Variants in ADAMTS19 observed in about 807,000 individuals in gnomAD.
ADAMTS19 encodes A disintegrin and metalloproteinase with thrombospondin motifs 19.
ADAMTS19 carries 93 observed loss-of-function variants against 153.3 expected under a neutral mutation model. That is an observed-to-expected ratio of 0.61 (90% CI 0.51 to 0.72). ADAMTS19 has a LOEUF of 0.72. Among genes scored for constraint, ADAMTS19 ranks in the 30% least tolerant of loss-of-function variants. The pLI is 0.00. For missense variants in ADAMTS19, 1,482 were observed against 1,552.1 expected (o/e 0.95, Z 0.76); for synonymous variants, 600 against 556.6 (o/e 1.08, Z -1.10).
intron 2 of ADAMTS19, among the ~76,000 whole-genome samples, chr5:129,467,505 C>A (rs1749905794): frequency 6.6e-6 from 1 of 152,146 alleles, no homozygotes; most frequent in Non-Finnish European, 1.5e-5. Context: ...TCTAGATATA[C>A]ATTCACAGAA....
chr5:129,555,752 A>G (rs915058023), intron 7 of ADAMTS19, among the ~76,000 whole-genome samples: 1 of 152,222 alleles, frequency 6.6e-6, no homozygotes, highest in African/African-American at 2.4e-5. Context: ...ACTCTACCTC[A>G]GATCTTCTGA....
intron 2 of ADAMTS19, among the ~76,000 whole-genome samples, chr5:129,484,036 C>T (rs116503456): frequency 0.011 from 1,606 of 152,176 alleles, 24 homozygotes; most frequent in African/African-American, 0.037. Context: ...TATCTTTATC[C>T]ATAGTGAATA....
Position 129,620,587 on chromosome 5 carries a change from A to C in ADAMTS19, c.1479-31A>C, listed in dbSNP as rs1049006381. 5 of 1,487,272 alleles carry C rather than the reference A, an allele frequency of 3.4e-6. No individual in the cohort carries two copies. In the African/African-American group the frequency reaches 5.7e-5, roughly 17 times the overall value. The allele number at this position is 1,487,272 out of a possible 1,614,324, so 92.1% of individuals were successfully genotyped here. A position where few individuals can be genotyped will look rare whatever the true frequency, so the allele number is the denominator to read the frequency against. ...TAACAAGTAACATTTACTTAGTGTA[A>C]ATTTTAAAATTTTATTATATTCCAA... On this transcript the variant is annotated intron_variant, in intron 8 of 22. Transcript: ENST00000274487.
chr5:129,475,033 G>C (rs1047619737), intron 2 of ADAMTS19, among the ~76,000 whole-genome samples: 12 of 150,544 alleles, frequency 8.0e-5, no homozygotes, highest in Admixed American at 6.6e-4. Context: ...CCAGTCTCTC[G>C]CTATCTATTC....
In ADAMTS19 at chr5:129,735,124, A is replaced by C; in HGVS notation, c.3490+15A>C. 6.5e-7 allele frequency: 1 copy of C among 1,535,674 alleles called. No homozygotes were observed. Among genetic ancestry groups the C allele is most frequent in the Non-Finnish European group, 8.7e-7 (1 of 1,145,392 alleles). On this transcript the variant is annotated intron_variant, in intron 22 of 22. Coordinates refer to ENST00000274487, the MANE Select transcript of ADAMTS19 (RefSeq NM_133638.6). ...ACCCAGACTGGGTAAGCAGACAAAA[A>C]AAAAAGATGCTTTTGAAAAACATAG...
intron 9 of ADAMTS19, among the ~76,000 whole-genome samples, 165 bp downstream of exon 9, chr5:129,620,923 C>G (rs909159661): frequency 2.6e-5 from 4 of 152,082 alleles, no homozygotes; most frequent in African/African-American, 9.7e-5. Flanking sequence ...TAGTTTGGGA[C>G]ATGTTATTTA....
chr5:129,622,400 G>A (rs779395795), intron 10 of ADAMTS19, 52 bp downstream of exon 10: 4 of 1,594,192 alleles, frequency 2.5e-6, no homozygotes, highest in Non-Finnish European at 3.4e-6. Context: ...TAGAAGTATT[G>A]ATTGGTAGGA....
At chr5:129,561,416 C>T (rs1753509885) in intron 7 of ADAMTS19, among the ~76,000 whole-genome samples, 1 of 152,000 alleles carries the variant, frequency 6.6e-6, no homozygotes, top group Non-Finnish European at 1.5e-5. Context: ...GTAGTCCCAG[C>T]TACTCGGGAG....
chr5:129,734,863 C>A (rs913054586), intron 21 of ADAMTS19, 69 bp from the exon 22 acceptor site: 2 of 1,337,258 alleles, frequency 1.5e-6, no homozygotes, highest in Non-Finnish European at 2.0e-6. Context: ...TGTTCCCACA[C>A]CCTAGAAAAT....
intron 4 of ADAMTS19, among the ~76,000 whole-genome samples, chr5:129,526,716 G>T (rs1358330466): frequency 3.3e-5 from 5 of 150,562 alleles, no homozygotes; most frequent in Non-Finnish European, 5.9e-5. Flanking sequence ...TCTTTTTTTG[G>T]TACTGTTCTT....
chr5:129,708,341 C>G, intron 21 of ADAMTS19, among the ~76,000 whole-genome samples: 1 of 152,054 alleles, frequency 6.6e-6, no homozygotes. Context: ...CTGACTATAT[C>G]TCTCTCTGCT....
At chr5:129,689,753 T>G (rs1253008776) in intron 18 of ADAMTS19, among the ~76,000 whole-genome samples, 4 of 152,168 alleles carry the variant, frequency 2.6e-5, no homozygotes, top group African/African-American at 9.7e-5. Flanking sequence ...GTACTATACA[T>G]GTACCAAAAT....
At chr5:129,699,779 T>C (rs560101161) in intron 19 of ADAMTS19, among the ~76,000 whole-genome samples, 196 of 152,148 alleles carry the variant, frequency 1.3e-3, no homozygotes, top group Non-Finnish European at 2.3e-3. Flanking sequence ...GTAAGCAAGA[T>C]GAGCATATGG....
intron 6 of ADAMTS19, among the ~76,000 whole-genome samples, chr5:129,551,554 A>T (rs529956572): frequency 9.3e-5 from 13 of 140,516 alleles, no homozygotes; most frequent in Middle Eastern, 3.8e-3. Flanking sequence ...TTGTCCCAAT[A>T]CCAGATTTTT....
At chr5:129,519,251 G>A (rs929155251) in intron 3 of ADAMTS19, among the ~76,000 whole-genome samples, 2 of 152,048 alleles carry the variant, frequency 1.3e-5, no homozygotes, top group Non-Finnish European at 2.9e-5. Flanking sequence ...TGGCCCAGGG[G>A]ATGTCTGGAA....
At chr5:129,735,880 T>C (rs1307166334) in intron 22 of ADAMTS19, among the ~76,000 whole-genome samples, 1 of 152,056 alleles carries the variant, frequency 6.6e-6, no homozygotes, top group Non-Finnish European at 1.5e-5. Context: ...AATTTATATT[T>C]AATACCTTTG....
chr5:129,508,588 A>G (rs1417956820), intron 2 of ADAMTS19, among the ~76,000 whole-genome samples: 2 of 152,060 alleles, frequency 1.3e-5, no homozygotes, highest in African/African-American at 4.8e-5. Flanking sequence ...AATACGTAGT[A>G]GAAGACTTTA....
chr5:129,472,101 T>G (rs1435328716), intron 2 of ADAMTS19, among the ~76,000 whole-genome samples: 1 of 152,254 alleles, frequency 6.6e-6, no homozygotes, highest in Non-Finnish European at 1.5e-5. Flanking sequence ...ATGGGGTATT[T>G]CTGTTTTCAG....
chr5:129,512,956 G>A (rs1030878104), intron 3 of ADAMTS19, among the ~76,000 whole-genome samples: 6 of 151,254 alleles, frequency 4.0e-5, no homozygotes, highest in East Asian at 2.0e-4. Context: ...GATATAATCC[G>A]AAGCCAATGT....
Sources: gnomAD v4.1 joint callset for allele counts (sites outside exome capture counted in the v4.1 genomes callset) on GRCh38, gnomAD v4.1.1 for gene constraint, MANE v1.5 for transcripts, NCBI Gene and HGNC (gene_info 2026-07-23, HGNC 2026-07-21) for gene names.